The following RALB variants were observed in gnomAD, a reference collection of about 807,000 sequenced individuals.
The protein encoded by RALB is RAS like proto-oncogene B.
A neutral mutation model predicts 21.3 loss-of-function variants in RALB; 16 were observed. The observed-to-expected ratio is 0.75, with a 90% CI of 0.51 to 1.14. RALB has a LOEUF of 1.14. Among genes scored for constraint, RALB ranks in the 50% most tolerant of loss-of-function variants. RALB has a pLI of 0.00. For synonymous variants in RALB, 93 were observed against 96.1 expected (o/e 0.97, Z 0.19); for missense variants, 161 against 256.2 (o/e 0.63, Z 2.54).
chr2:120,257,773 C>T (rs139843906), intron 1 of RALB, among the ~76,000 whole-genome samples: 1,700 of 152,300 alleles, frequency 0.011, 33 homozygotes, highest in African/African-American at 0.039. Flanking sequence ...TTCTTTCATT[C>T]TACTTTCCTT....
At position 120,290,632 on chromosome 2, in the gene RALB, C is replaced by CTTTTT. The variant is rs34133052; in HGVS notation, c.501+883_501+887dup. ...CTCAGAACTCAAATCTCTGGGATCT[C>CTTTTT]TTTTTTTTTTTTATCTCTTATCCCA... On this transcript the variant is annotated intron_variant, in intron 4 of 4. Coordinates refer to ENST00000272519, the MANE Select transcript of RALB (RefSeq NM_002881.3). 1.3e-3 allele frequency among the ~76,000 whole-genome samples: 189 copies of CTTTTT among 148,482 alleles called. 1 individual carries two copies. The highest frequency in any genetic ancestry group is 4.4e-3 in the African/African-American group (179 of 40,436).
intron 1 of RALB, among the ~76,000 whole-genome samples, chr2:120,240,934 C>G (rs548456830): frequency 6.6e-6 from 1 of 152,098 alleles, no homozygotes; most frequent in Non-Finnish European, 1.5e-5. Flanking sequence ...TTTGGGGGAC[C>G]GGAGGCCTAC....
At chr2:120,246,652 G>A (rs1243600995) in intron 1 of RALB, among the ~76,000 whole-genome samples, 1 of 152,250 alleles carries the variant, frequency 6.6e-6, no homozygotes, top group Non-Finnish European at 1.5e-5. Flanking sequence ...CTGGGCCAAG[G>A]ACCTGGATCC....
At chr2:120,261,772 G>A (rs145758634) in intron 1 of RALB, among the ~76,000 whole-genome samples, 64 of 152,318 alleles carry the variant, frequency 4.2e-4, no homozygotes, top group African/African-American at 1.5e-3. Flanking sequence ...GTGCAGCCCA[G>A]AGGGTCTTGT....
intron 1 of RALB, among the ~76,000 whole-genome samples, chr2:120,271,952 C>CA (rs1277966810): frequency 1.3e-5 from 2 of 152,172 alleles, no homozygotes; most frequent in Non-Finnish European, 2.9e-5. Context: ...AGTCAAACAA[C>CA]AGAGCTTTTG....
At position 120,254,336 on chromosome 2, in the gene RALB, C is replaced by T. The variant is rs1163405970; in HGVS notation, c.-48+1356C>T. On this transcript the variant is annotated intron_variant, in intron 1 of 4. Coordinates refer to ENST00000272519, the MANE Select transcript of RALB (RefSeq NM_002881.3). ...TTTGTGCGTGGCTTTAGTTGTCAGC[C>T]GGTCTGCTTTATTCTGACCACATCT... Among the ~76,000 whole-genome samples the T allele has an allele frequency of 4.6e-5, 7 of 152,208 alleles. No homozygotes were observed. In the East Asian group the frequency reaches 5.8e-4, roughly 13 times the overall value.
intron 1 of RALB, among the ~76,000 whole-genome samples, chr2:120,263,315 C>A (rs930648402): frequency 2.0e-5 from 3 of 150,970 alleles, no homozygotes; most frequent in Non-Finnish European, 4.4e-5. Flanking sequence ...ACTACAGACA[C>A]ATGCCACTAC....
At chr2:120,291,979 G>A (rs1690316013) in intron 4 of RALB, among the ~76,000 whole-genome samples, 1 of 152,208 alleles carries the variant, frequency 6.6e-6, no homozygotes, top group Non-Finnish European at 1.5e-5. Context: ...GCTGTGCTCA[G>A]TCCCACACTT....
intron 1 of RALB, among the ~76,000 whole-genome samples, chr2:120,243,480 G>A (rs1688924645): frequency 6.6e-6 from 1 of 152,186 alleles, no homozygotes; most frequent in African/African-American, 2.4e-5. Flanking sequence ...CCATCCTCCT[G>A]GTGCAGGAGA....
At chr2:120,265,249 C>T (rs1209446147) in intron 1 of RALB, among the ~76,000 whole-genome samples, 1 of 152,198 alleles carries the variant, frequency 6.6e-6, no homozygotes, top group Non-Finnish European at 1.5e-5. Context: ...CAGCCTTTTG[C>T]TCATGGGCTG....
At chr2:120,277,392 T>C (rs1194760895) in intron 1 of RALB, among the ~76,000 whole-genome samples, 1 of 151,122 alleles carries the variant, frequency 6.6e-6, no homozygotes, top group African/African-American at 2.4e-5. Flanking sequence ...AACATGTATG[T>C]GTGAGAGCAT....
chr2:120,241,061 G>C (rs544741805), intron 1 of RALB, among the ~76,000 whole-genome samples: 2 of 152,210 alleles, frequency 1.3e-5, no homozygotes, highest in African/African-American at 2.4e-5. Context: ...TCCTGTGGGA[G>C]CTGACGGACG....
At chr2:120,240,280 TATTTTTA>T (rs1558941408) in intron 1 of RALB, among the ~76,000 whole-genome samples, 2 of 145,000 alleles carry the variant, frequency 1.4e-5, no homozygotes, top group African/African-American at 5.7e-5. Context: ...GCTACTTTTT[TATTTTTA>T]TTTTTATTTT....
At chr2:120,273,043 G>C (rs1043459239) in intron 1 of RALB, among the ~76,000 whole-genome samples, 1 of 152,184 alleles carries the variant, frequency 6.6e-6, no homozygotes, top group Non-Finnish European at 1.5e-5. Context: ...GTCATCGCCC[G>C]TTGGGTCTTC....
At chr2:120,276,937 T>C (rs1689811347) in intron 1 of RALB, among the ~76,000 whole-genome samples, 2 of 152,212 alleles carry the variant, frequency 1.3e-5, no homozygotes, top group South Asian at 4.1e-4. Flanking sequence ...CCCTGCCCTT[T>C]ATTCTTGTGT....
intron 1 of RALB, among the ~76,000 whole-genome samples, chr2:120,259,869 T>G (rs1210714192): frequency 6.6e-6 from 1 of 152,134 alleles, no homozygotes; most frequent in Admixed American, 6.5e-5. Flanking sequence ...TCAGGCATGG[T>G]GGGCTGCAGG....
chr2:120,285,743 G>T (rs1043296288), intron 2 of RALB, 131 bp from the exon 3 acceptor site: 3 of 697,786 alleles, frequency 4.3e-6, no homozygotes, highest in African/African-American at 1.8e-5. Flanking sequence ...AAGAACAGAA[G>T]TGTTACGTAA....
At chr2:120,278,288 A>G (rs920340358) in intron 1 of RALB, among the ~76,000 whole-genome samples, 1 of 152,146 alleles carries the variant, frequency 6.6e-6, no homozygotes, top group African/African-American at 2.4e-5. Context: ...AACTGGAGCT[A>G]CGAGCGGTTT....
At chr2:120,289,323 A>G (rs987679347) in intron 3 of RALB, among the ~76,000 whole-genome samples, 1 of 138,572 alleles carries the variant, frequency 7.2e-6, no homozygotes, top group Non-Finnish European at 1.5e-5. Context: ...CACTTCTGTA[A>G]GACTGAGCCC....
Sources: gnomAD v4.1 joint callset for allele counts (sites outside exome capture counted in the v4.1 genomes callset) on GRCh38, gnomAD v4.1.1 for gene constraint, MANE v1.5 for transcripts, NCBI Gene and HGNC (gene_info 2026-07-23, HGNC 2026-07-21) for gene names.